The following SCHIP1 variants were observed in gnomAD, a reference collection of about 807,000 sequenced individuals.
SCHIP1 encodes the protein schwannomin interacting protein 1.
SCHIP1 carries 8 observed loss-of-function variants against 29.7 expected under a neutral mutation model. The ratio of observed to expected loss-of-function variants is 0.27; its 90% CI spans 0.16 to 0.49. The LOEUF (loss-of-function observed/expected upper bound fraction) is 0.49. Among genes scored for constraint, SCHIP1 ranks in the 20% least tolerant of loss-of-function variants. The pLI, the probability that SCHIP1 is intolerant of heterozygous loss-of-function variation, is 0.99. For missense variants in SCHIP1, 193 were observed against 294.6 expected (o/e 0.66, Z 2.52); for synonymous variants, 76 against 94.9 (o/e 0.80, Z 1.16).
At chr3:159,866,066 T>C in intron 1 of SCHIP1, 97 bp from the exon 3 acceptor site, 1 of 1,011,184 alleles carries the variant, frequency 9.9e-7, no homozygotes, top group South Asian at 1.5e-5. Context: ...GTTTTTCATC[T>C]AATGTTACAG....
chr3:159,444,863 G>T, the SCHIP1 span, among the ~76,000 whole-genome samples: 4 of 152,152 alleles, frequency 2.6e-5, 1 homozygote, highest in South Asian at 8.3e-4. Flanking sequence ...CAAAGGACAA[G>T]GTTTGGGTCA....
chr3:159,419,783 T>C, the SCHIP1 span, among the ~76,000 whole-genome samples: 1 of 152,136 alleles, frequency 6.6e-6, no homozygotes, highest in Admixed American at 6.5e-5. Context: ...CACTCTAGCC[T>C]GGGCAGCAAA....
At chr3:159,408,668 C>T in the SCHIP1 span, among the ~76,000 whole-genome samples, 8 of 152,134 alleles carry the variant, frequency 5.3e-5, no homozygotes, top group African/African-American at 1.7e-4. Flanking sequence ...AAAAGAAAGC[C>T]CAGGACCCAA....
At chr3:159,675,266 G>A in the SCHIP1 span, among the ~76,000 whole-genome samples, 1 of 152,154 alleles carries the variant, frequency 6.6e-6, no homozygotes, top group Non-Finnish European at 1.5e-5. Context: ...TGTTTGCTAT[G>A]GCTGATAATG....
At chr3:159,726,029 C>T in the SCHIP1 span, among the ~76,000 whole-genome samples, 1 of 152,116 alleles carries the variant, frequency 6.6e-6, no homozygotes, top group African/African-American at 2.4e-5. Flanking sequence ...AATAGTATTA[C>T]TTTTGAAAGC....
At chr3:159,483,096 C>A in the SCHIP1 span, among the ~76,000 whole-genome samples, 1 of 152,154 alleles carries the variant, frequency 6.6e-6, no homozygotes, top group East Asian at 1.9e-4. Context: ...TGACAGAGCT[C>A]CCACTGTTTT....
the SCHIP1 span, among the ~76,000 whole-genome samples, chr3:159,394,718 A>C: frequency 6.6e-6 from 1 of 152,186 alleles, no homozygotes; most frequent in South Asian, 2.1e-4. Flanking sequence ...TGGTTTTGCC[A>C]GTATTTTATT....
chr3:159,655,506 A>C, the SCHIP1 span, among the ~76,000 whole-genome samples: 1 of 152,136 alleles, frequency 6.6e-6, no homozygotes, highest in African/African-American at 2.4e-5. Context: ...GACAACACTT[A>C]AGTCCCTGGT....
chr3:159,808,558 G>A, the SCHIP1 span: 1 of 152,230 alleles, frequency 6.6e-6, no homozygotes, highest in African/African-American at 2.4e-5. Flanking sequence ...CAGACAAAAG[G>A]TCAAGAAGCA....
At chr3:159,474,154 C>T in the SCHIP1 span, among the ~76,000 whole-genome samples, 1 of 152,040 alleles carries the variant, frequency 6.6e-6, no homozygotes, top group African/African-American at 2.4e-5. Context: ...TCCTAGAGTC[C>T]TGTTATATAG....
chr3:159,715,422 G>T, the SCHIP1 span, among the ~76,000 whole-genome samples: 1 of 152,208 alleles, frequency 6.6e-6, no homozygotes, highest in Non-Finnish European at 1.5e-5. Flanking sequence ...AGAGAAGAAG[G>T]CTTCAGAAGA....
chr3:159,332,486 T>C, the SCHIP1 span, among the ~76,000 whole-genome samples: 4 of 152,208 alleles, frequency 2.6e-5, no homozygotes, highest in Non-Finnish European at 5.9e-5. Context: ...TTTCACTGTT[T>C]ATGAAATTAA....
chr3:159,816,954 G>C, the SCHIP1 span, among the ~76,000 whole-genome samples: 1 of 152,118 alleles, frequency 6.6e-6, no homozygotes, highest in African/African-American at 2.4e-5. Flanking sequence ...CCCCCGGCTT[G>C]ATTAGAGCCC....
chr3:159,298,304 C>CT, the SCHIP1 span, among the ~76,000 whole-genome samples: 1 of 152,170 alleles, frequency 6.6e-6, no homozygotes, highest in African/African-American at 2.4e-5. Context: ...AAACTACTCC[C>CT]TACAACTTCT....
the SCHIP1 span, among the ~76,000 whole-genome samples, chr3:159,589,761 A>C: frequency 3.3e-5 from 5 of 152,322 alleles, no homozygotes; most frequent in East Asian, 9.6e-4. Flanking sequence ...AAAAGGGACT[A>C]TACTGTGAAG....
the SCHIP1 span, among the ~76,000 whole-genome samples, chr3:159,695,260 C>T: frequency 6.6e-6 from 1 of 152,174 alleles, no homozygotes; most frequent in African/African-American, 2.4e-5. Flanking sequence ...TTCTCAGTGA[C>T]CAAAACCCTT....
At chr3:159,342,514 T>C in the SCHIP1 span, among the ~76,000 whole-genome samples, 1 of 152,218 alleles carries the variant, frequency 6.6e-6, no homozygotes, top group Non-Finnish European at 1.5e-5. Context: ...GTATATCACC[T>C]ATAATACAAT....
chr3:159,688,409 G>C, the SCHIP1 span, among the ~76,000 whole-genome samples: 2 of 152,178 alleles, frequency 1.3e-5, no homozygotes, highest in Non-Finnish European at 2.9e-5. Flanking sequence ...CTTTTGAGAA[G>C]TATCTGTTCA....
chr3:159,683,710 G>T, the SCHIP1 span, among the ~76,000 whole-genome samples: 1 of 152,102 alleles, frequency 6.6e-6, no homozygotes, highest in Non-Finnish European at 1.5e-5. Context: ...GGACCATCAG[G>T]GCTACTATTG....
Sources: allele counts gnomAD v4.1 joint callset (sites outside exome capture counted in the v4.1 genomes callset), GRCh38; gene constraint gnomAD v4.1.1; transcripts MANE v1.5; gene names NCBI Gene and HGNC (gene_info 2026-07-23, HGNC 2026-07-21).